The following GABPB2 variants were observed in gnomAD, a reference collection of about 807,000 sequenced individuals.
The protein encoded by GABPB2 is GA binding protein transcription factor subunit beta 2.
Under a neutral mutation model 39.1 loss-of-function variants are expected in GABPB2, and 23 were observed. The observed-to-expected ratio is 0.59, with a 90% CI of 0.42 to 0.83. GABPB2 has a LOEUF of 0.83. Ranked by LOEUF, GABPB2 falls within the 40% of genes least tolerant of loss-of-function variation. The pLI, the probability that GABPB2 is intolerant of heterozygous loss-of-function variation, is 0.00. For synonymous variants in GABPB2, 184 were observed against 199.3 expected (o/e 0.92, Z 0.65); for missense variants, 467 against 541.1 (o/e 0.86, Z 1.36).
chr1:151,076,784 A>G (rs1335697763), intron 1 of GABPB2, among the ~76,000 whole-genome samples: 1 of 147,540 alleles, frequency 6.8e-6, no homozygotes, highest in African/African-American at 2.5e-5. Context: ...GCTTTATTAA[A>G]CTTGGTCTGA....
intron 5 of GABPB2, among the ~76,000 whole-genome samples, chr1:151,100,420 G>C (rs1346838988): frequency 6.6e-6 from 1 of 151,650 alleles, no homozygotes; most frequent in Non-Finnish European, 1.5e-5. Context: ...TGGGATTACA[G>C]GCGCCTGCCA....
chr1:151,105,939 C>A (rs955118390), intron 6 of GABPB2, among the ~76,000 whole-genome samples: 7 of 151,632 alleles, frequency 4.6e-5, no homozygotes, highest in Non-Finnish European at 7.4e-5. Flanking sequence ...TAGAAATGAT[C>A]TACTGTAATT....
At chr1:151,081,362 A>G (rs1486453727) in intron 1 of GABPB2, among the ~76,000 whole-genome samples, 1 of 151,790 alleles carries the variant, frequency 6.6e-6, no homozygotes, top group Non-Finnish European at 1.5e-5. Context: ...GGTGGTGCAC[A>G]CCTGTAATGC....
At position 151,124,851 on chromosome 1, in the gene GABPB2, T is replaced by C. The variant is rs905770632; in HGVS notation, c.*6595T>C. ...CTGCCCTTTTTAAATTTTTGTCTTA[T>C]TTTTTAGCCTCTTTAGTATTAGGGG... On this transcript the variant is annotated 3_prime_UTR_variant, in exon 9 of 9. Transcript: ENST00000368918. 2 of 152,140 alleles carry C rather than the reference T, an allele frequency of 1.3e-5. No individual in the cohort carries two copies. The highest frequency in any genetic ancestry group is 1.5e-5 in the Non-Finnish European group (1 of 68,040). The allele number at this position is 152,140 out of a possible 1,614,324, so 9.4% of individuals were successfully genotyped here.
At chr1:151,088,591 C>T (rs1678403814) in intron 2 of GABPB2, 1 of 473,514 alleles carries the variant, frequency 2.1e-6, no homozygotes, top group African/African-American at 2.1e-5. Context: ...CTGGAGTGTA[C>T]TTGGGTTATA....
chr1:151,071,702 C>T (rs1010807304), intron 1 of GABPB2, among the ~76,000 whole-genome samples: 1 of 152,162 alleles, frequency 6.6e-6, no homozygotes, highest in Non-Finnish European at 1.5e-5. Flanking sequence ...GAACTCCTGA[C>T]CTTAGGGGAT....
rs1168508611 is a variant in GABPB2 at position 151,120,745 on chromosome 1, C to T, written c.*2489C>T. The T allele has an allele frequency of 2.0e-5, 3 of 149,566 alleles. No individual in the cohort carries two copies. Among genetic ancestry groups the T allele is most frequent in the African/African-American group, 7.3e-5 (3 of 40,984 alleles). 9.3% of individuals were successfully genotyped at this position (149,566 alleles called of 1,614,324 possible). A position where few individuals can be genotyped will look rare whatever the true frequency, so the allele number is the denominator to read the frequency against. ...CCAAACATTTATGTAATGTCAAGCT[C>T]AGTCTCTCTTTTTTTTTTTTTTTTT... On this transcript the variant is annotated 3_prime_UTR_variant, in exon 9 of 9. Coordinates refer to ENST00000368918, the MANE Select transcript of GABPB2 (RefSeq NM_144618.3).
At chr1:151,106,538 A>G (rs587619155) in intron 6 of GABPB2, among the ~76,000 whole-genome samples, 2 of 151,712 alleles carry the variant, frequency 1.3e-5, no homozygotes, top group Admixed American at 1.3e-4. Context: ...GTGTTTTGCC[A>G]TGTTGGCCAG....
intron 7 of GABPB2, among the ~76,000 whole-genome samples, chr1:151,109,660 A>G (rs921782518): frequency 2.2e-4 from 33 of 151,172 alleles, no homozygotes; most frequent in South Asian, 1.0e-3. Flanking sequence ...CACCCGGCCT[A>G]TAGTTTTTTT....
At chr1:151,097,791 GAA>G in intron 4 of GABPB2, 59 bp from the exon 5 acceptor site, 1 of 1,355,356 alleles carries the variant, frequency 7.4e-7, no homozygotes, top group Admixed American at 2.2e-5. Context: ...AAAAAAAAAA[GAA>G]AGACAGAAAA....
At chr1:151,114,339 T>C (rs1370565488) in intron 7 of GABPB2, among the ~76,000 whole-genome samples, 1 of 151,358 alleles carries the variant, frequency 6.6e-6, no homozygotes, top group Non-Finnish European at 1.5e-5. Flanking sequence ...TGAGACTCTG[T>C]CTCATAATAA....
At chr1:151,100,487 C>T (rs1571950580) in intron 5 of GABPB2, among the ~76,000 whole-genome samples, 1 of 150,434 alleles carries the variant, frequency 6.6e-6, no homozygotes, top group Admixed American at 6.6e-5. Context: ...CACCATGTTG[C>T]CCAGGCTGGT....
At position 151,120,401 on chromosome 1, in the gene GABPB2, T is replaced by A. The variant is rs1186272050; in HGVS notation, c.*2145T>A. 2 of 152,094 alleles carry A rather than the reference T, an allele frequency of 1.3e-5. No homozygotes were observed. Among genetic ancestry groups the A allele is most frequent in the African/African-American group, 4.8e-5 (2 of 41,380 alleles). 9.4% of individuals were successfully genotyped at this position (152,094 alleles called of 1,614,324 possible). On this transcript the variant is annotated 3_prime_UTR_variant, in exon 9 of 9. Coordinates refer to ENST00000368918, the MANE Select transcript of GABPB2 (RefSeq NM_144618.3). Reference sequence around the variant, plus strand: ...GGCACATGCCTGTAATCCCAGCTACTCAGGAGGCTGAGGCAGGAGAATCGC... The same window carrying A: ...GGCACATGCCTGTAATCCCAGCTACACAGGAGGCTGAGGCAGGAGAATCGC...
chr1:151,075,334 G>T (rs1435620713), intron 1 of GABPB2, among the ~76,000 whole-genome samples: 2 of 152,050 alleles, frequency 1.3e-5, no homozygotes, highest in African/African-American at 4.8e-5. Context: ...GGAGGCCCAG[G>T]AGGGCAGATC....
In GABPB2 at chr1:151,103,621, C is replaced by CGTA. The variant is rs759350301; in HGVS notation, c.682_683insGTA (p.Leu228delinsArgIle). ...TTCTACCACCTCAGTGCTGGCTACC[C>CGTA]TTGCAGCTCTTGCTGAGGCATCAGT... On this transcript the variant is annotated protein_altering_variant, in exon 6 of 9. Coordinates refer to ENST00000368918, the MANE Select transcript of GABPB2 (RefSeq NM_144618.3). 5 of 1,614,166 alleles carry CGTA rather than the reference C, an allele frequency of 3.1e-6. No individual in the cohort carries two copies. The East Asian group carries it at 1.1e-4, about 36-fold the overall frequency.
chr1:151,108,872 C>T (rs762478602), intron 7 of GABPB2, among the ~76,000 whole-genome samples: 1 of 152,242 alleles, frequency 6.6e-6, no homozygotes, highest in Admixed American at 6.6e-5. Flanking sequence ...CATTACAACT[C>T]CATGCCTTAA....
intron 1 of GABPB2, among the ~76,000 whole-genome samples, chr1:151,087,475 C>T (rs746860601): frequency 6.6e-6 from 1 of 151,698 alleles, no homozygotes; most frequent in African/African-American, 2.4e-5. Context: ...GGTGAAACCC[C>T]ATCTCTACTA....
intron 1 of GABPB2, among the ~76,000 whole-genome samples, chr1:151,077,599 C>G (rs1677286128): frequency 6.6e-6 from 1 of 151,714 alleles, no homozygotes; most frequent in Non-Finnish European, 1.5e-5. Flanking sequence ...TTGTGATCCG[C>G]CGCGCCCGGC....
At chr1:151,106,637 C>T (rs896333354) in intron 6 of GABPB2, among the ~76,000 whole-genome samples, 4 of 152,146 alleles carry the variant, frequency 2.6e-5, no homozygotes, top group East Asian at 1.9e-4. Flanking sequence ...TGTGCCCAGC[C>T]GAAACAGAGT....
Sources: gnomAD v4.1 joint callset for allele counts (sites outside exome capture counted in the v4.1 genomes callset) on GRCh38, gnomAD v4.1.1 for gene constraint, MANE v1.5 for transcripts, NCBI Gene and HGNC (gene_info 2026-07-23, HGNC 2026-07-21) for gene names.